The following TECPR2 variants were observed in gnomAD, a reference collection of about 807,000 sequenced individuals.
The protein encoded by TECPR2 is tectonin beta-propeller repeat containing 2.
A neutral mutation model predicts 138.1 loss-of-function variants in TECPR2; 65 were observed. That is an observed-to-expected ratio of 0.47 (90% CI 0.39 to 0.58). The LOEUF is 0.58. Among genes scored for constraint, TECPR2 ranks in the 20% least tolerant of loss-of-function variants. The pLI, the probability that TECPR2 is intolerant of heterozygous loss-of-function variation, is 0.00. For synonymous variants in TECPR2, 746 were observed against 749.8 expected (o/e 0.99, Z 0.08); for missense variants, 1,553 against 1,824.5 (o/e 0.85, Z 2.71).
At chr14:102,400,276 C>T (rs1168923960) in intron 2 of TECPR2, among the ~76,000 whole-genome samples, 2 of 152,116 alleles carry the variant, frequency 1.3e-5, no homozygotes, top group Non-Finnish European at 2.9e-5. Context: ...AAACTCCGAC[C>T]TCAGTTGATC....
rs1595154266 is a variant in TECPR2 at position 102,499,245 on chromosome 14, G to T, written c.*988G>T. 1 of 674,488 alleles carries T rather than the reference G, an allele frequency of 1.5e-6. No homozygotes were observed. Among genetic ancestry groups the T allele is most frequent in the South Asian group, 1.6e-5 (1 of 64,424 alleles). 41.8% of individuals were successfully genotyped at this position (674,488 alleles called of 1,614,324 possible). A position where few individuals can be genotyped will look rare whatever the true frequency, so the allele number is the denominator to read the frequency against. On this transcript the variant is annotated 3_prime_UTR_variant, in exon 20 of 20. Transcript: ENST00000359520. The stretch of plus-strand genomic sequence containing the variant: ...CTCACTTAGAAATGTCTTTGGAATG[G>T]TGTTTAACTAATGCTGCTGGCGGAC...
chr14:102,365,242 AAG>A (rs1223265369), intron 1 of TECPR2, among the ~76,000 whole-genome samples: 1 of 152,240 alleles, frequency 6.6e-6, no homozygotes, highest in Non-Finnish European at 1.5e-5. Flanking sequence ...GAAGATGAGA[AAG>A]AGTCCATTGA....
At chr14:102,455,024 C>T (rs1240555447) in intron 16 of TECPR2, among the ~76,000 whole-genome samples, 1 of 152,174 alleles carries the variant, frequency 6.6e-6, no homozygotes, top group African/African-American at 2.4e-5. Context: ...GTGCAGGTCT[C>T]TAAGGTGTGT....
intron 4 of TECPR2, among the ~76,000 whole-genome samples, chr14:102,412,258 A>C (rs2139700218): frequency 1.3e-5 from 2 of 150,964 alleles, no homozygotes; most frequent in South Asian, 4.2e-4. Context: ...TGGCCTCCCG[A>C]GTAGCTGGGA....
At chr14:102,456,476 C>T (rs1414509531) in intron 16 of TECPR2, among the ~76,000 whole-genome samples, 1 of 152,090 alleles carries the variant, frequency 6.6e-6, no homozygotes, top group Non-Finnish European at 1.5e-5. Context: ...AACCGGGACT[C>T]CCAGGCTGTT....
chr14:102,455,881 G>A (rs1306160768), intron 16 of TECPR2, among the ~76,000 whole-genome samples: 3 of 152,208 alleles, frequency 2.0e-5, no homozygotes, highest in African/African-American at 7.2e-5. Context: ...CCAAAGTGCT[G>A]GGATTACAGG....
intron 17 of TECPR2, among the ~76,000 whole-genome samples, chr14:102,492,151 C>T (rs563350978): frequency 2.6e-5 from 4 of 152,368 alleles, no homozygotes; most frequent in African/African-American, 9.6e-5. Context: ...ATGTGCTTTT[C>T]GTCAGACTGT....
chr14:102,457,022 A>G (rs1282144676), intron 16 of TECPR2, among the ~76,000 whole-genome samples: 1 of 152,140 alleles, frequency 6.6e-6, no homozygotes. Context: ...CCAGGTGTTC[A>G]GTTATTAGGC....
rs552948626 is a variant in TECPR2, at chr14:102,398,568, A to G, written c.220-8770A>G. Reference sequence around the variant, plus strand: ...AATCAAACTCCCAAAAGCGAAAACCAAAGAACCTTTGGGCTGGATTCAGTG... The same window carrying G: ...AATCAAACTCCCAAAAGCGAAAACCGAAGAACCTTTGGGCTGGATTCAGTG... On this transcript the variant is annotated intron_variant, in intron 2 of 19. Transcript: ENST00000359520. Among the ~76,000 whole-genome samples, 9 of 152,316 alleles carry G rather than the reference A, an allele frequency of 5.9e-5. 1 individual carries two copies. The highest frequency in any genetic ancestry group is 2.2e-4 in the African/African-American group (9 of 41,568).
At chr14:102,412,762 A>C (rs1650234688) in intron 4 of TECPR2, among the ~76,000 whole-genome samples, 1 of 152,160 alleles carries the variant, frequency 6.6e-6, no homozygotes, top group Admixed American at 6.5e-5. Flanking sequence ...AGAACCACTG[A>C]GTGTATTTCA....
chr14:102,465,462 G>T, intron 17 of TECPR2, 173 bp downstream of exon 17: 1 of 1,404,354 alleles, frequency 7.1e-7, no homozygotes, highest in South Asian at 1.8e-5. Context: ...TGGAATTCGG[G>T]ATTTGTGAAG....
chr14:102,442,923 G>T (rs1486065911), intron 11 of TECPR2, among the ~76,000 whole-genome samples: 1 of 152,270 alleles, frequency 6.6e-6, no homozygotes, highest in Non-Finnish European at 1.5e-5. Flanking sequence ...AAGGAGGCAA[G>T]GGGAGAGCCC....
At chr14:102,456,911 A>G (rs1173229185) in intron 16 of TECPR2, among the ~76,000 whole-genome samples, 1 of 151,176 alleles carries the variant, frequency 6.6e-6, no homozygotes, top group African/African-American at 2.4e-5. Context: ...TTAAGTTGAG[A>G]CTCAATCTCA....
At chr14:102,473,168 G>A (rs1890684172) in intron 17 of TECPR2, among the ~76,000 whole-genome samples, 1 of 152,264 alleles carries the variant, frequency 6.6e-6, no homozygotes, top group Non-Finnish European at 1.5e-5. Flanking sequence ...TGCCTCTCCT[G>A]TGGCTCTGAG....
intron 17 of TECPR2, among the ~76,000 whole-genome samples, chr14:102,478,446 C>T (rs1890815545): frequency 6.6e-6 from 1 of 151,476 alleles, no homozygotes; most frequent in Admixed American, 6.6e-5. Flanking sequence ...TTTGGGAGGT[C>T]GAGGCGGGTA....
At chr14:102,438,315 G>T in intron 10 of TECPR2, 110 bp downstream of exon 10, 1 of 1,342,004 alleles carries the variant, frequency 7.5e-7, no homozygotes. Context: ...GCAGCTCTGG[G>T]CTCACGCTGC....
chr14:102,449,819 G>C lies in TECPR2; in HGVS notation c.3266G>C (p.Trp1089Ser). ...CTCGGGGTCAATAACAGCGGTGTCT[G>C]GATCTCCTCGGGCAAGAATGAATTC... ...SLLGVNNSGV[W>S]ISSGKNEFHV... The change falls in exon 14 of 20, where the codon TGG becomes TCG. Residue 1089 changes from tryptophan (W) to serine (S), a missense_variant. Coordinates refer to ENST00000359520, the MANE Select transcript of TECPR2 (RefSeq NM_014844.5). 2 of 1,614,130 alleles carry C rather than the reference G, an allele frequency of 1.2e-6. No individual in the cohort carries two copies. Among genetic ancestry groups the C allele is most frequent in the Non-Finnish European group, 1.7e-6 (2 of 1,180,040 alleles).
Position 102,450,635 on chromosome 14 carries a change from C to G in TECPR2, c.3392C>G (p.Ala1131Gly), listed in dbSNP as rs926419139. The G allele has an allele frequency of 1.7e-5, 28 of 1,614,068 alleles. No homozygotes were observed. In the Admixed American group the frequency reaches 4.7e-4, roughly 27 times the overall value. ...TGGGCCTTTGTGTTGGCTTCTGCAG[C>G]TCCCACGAAGGAAGGTGGGTCAGTC... ...TKWAFVLASA[A>G]PTKEGSFLWL... Residue 1131 changes from alanine (A) to glycine (G), a missense_variant, in exon 15 of 20, where the codon GCT becomes GGT. Physicochemically the swap from Ala to Gly is moderately conservative, Grantham distance 60. Coordinates refer to ENST00000359520, the MANE Select transcript of TECPR2 (RefSeq NM_014844.5).
In TECPR2 at chr14:102,438,070, A is replaced by C. The variant is rs752045187; in HGVS notation, c.2443A>C (p.Ser815Arg). 1 of 1,614,058 alleles carries C rather than the reference A, an allele frequency of 6.2e-7. No homozygotes were observed. Among genetic ancestry groups the C allele is most frequent in the Non-Finnish European group, 8.5e-7 (1 of 1,180,014 alleles). Residue 815 changes from serine (S) to arginine (R), a missense_variant, in exon 10 of 20, where the codon AGC becomes CGC. Transcript: ENST00000359520. Reference sequence around the variant, plus strand: ...CTCGGGTCCCGGCTATGGCATCCTCAGCTTGGTGGTCTCCGAGAAGTATAT... The same window carrying C: ...CTCGGGTCCCGGCTATGGCATCCTCCGCTTGGTGGTCTCCGAGAAGTATAT... ...GYSGPGYGIL[S>R]LVVSEKYIWC...
Sources: gnomAD v4.1 joint callset for allele counts (sites outside exome capture counted in the v4.1 genomes callset) on GRCh38, gnomAD v4.1.1 for gene constraint, MANE v1.5 for transcripts, NCBI Gene and HGNC (gene_info 2026-07-23, HGNC 2026-07-21) for gene names.